Variants in USP25 observed in about 807,000 individuals in gnomAD.
The protein encoded by USP25 is ubiquitin carboxyl-terminal hydrolase 25.
Under a neutral mutation model 158.5 loss-of-function variants are expected in USP25, and 85 were observed. That is an observed-to-expected ratio of 0.54 (90% confidence interval 0.45 to 0.64). The LOEUF is 0.64. USP25 is among the 30% of genes least tolerant of loss of function. The pLI is 0.00. For missense variants in USP25, 1,242 were observed against 1,327.3 expected, an observed-to-expected ratio of 0.94 and a Z score of 1.00; for synonymous variants, 464 against 460.4, an observed-to-expected ratio of 1.01 and a Z score of -0.10.
At chr21:15,749,288 A>G (rs2032810581) in intron 1 of USP25, among the ~76,000 whole-genome samples, 1 of 152,244 alleles carries the variant, frequency 6.6e-6, no homozygotes, top group South Asian at 2.1e-4. Flanking sequence ...GTGAAATAGT[A>G]TTCTTATACT....
At chr21:15,790,185 C>T (rs973109913) in intron 4 of USP25, among the ~76,000 whole-genome samples, 1 of 151,992 alleles carries the variant, frequency 6.6e-6, no homozygotes, top group African/African-American at 2.4e-5. Flanking sequence ...TATGTCTTTT[C>T]GTGAAACAAG....
intron 16 of USP25, 105 bp from the exon 17 acceptor site, chr21:15,833,243 T>C: frequency 9.5e-7 from 1 of 1,050,828 alleles, no homozygotes; most frequent in East Asian, 2.5e-5. Context: ...GGCTGAGTGG[T>C]AATAATTCAT....
intron 1 of USP25, 72 bp from the exon 2 acceptor site, chr21:15,762,819 T>A: frequency 2.2e-6 from 3 of 1,380,444 alleles, no homozygotes; most frequent in Non-Finnish European, 3.0e-6. Flanking sequence ...AAACCAAAGG[T>A]GATTTGTTTT....
Position 15,849,875 on chromosome 21 carries a change from A to G in USP25, c.2547+3A>G, listed in dbSNP as rs2038804694. 6.8e-7 allele frequency: 1 copy of G among 1,481,116 alleles called. No homozygotes were observed. Among genetic ancestry groups the G allele is most frequent in the Non-Finnish European group, 9.0e-7 (1 of 1,114,236 alleles). 91.7% of individuals were successfully genotyped at this position (1,481,116 alleles called of 1,614,324 possible). A position where few individuals can be genotyped will look rare whatever the true frequency, so the allele number is the denominator to read the frequency against. On this transcript the variant is annotated splice_donor_region_variant and intron_variant, in intron 20 of 25. Coordinates refer to ENST00000400183, the MANE Select transcript of USP25 (RefSeq NM_001283041.3). Reference sequence around the variant, plus strand: ...GCCCTGAAGCAGGGTTCTTTAAGGTACAATGAACATTTTCATTTTCGTGTC... The same window carrying G: ...GCCCTGAAGCAGGGTTCTTTAAGGTGCAATGAACATTTTCATTTTCGTGTC...
Position 15,824,095 on chromosome 21 carries a change from T to A in USP25, c.1137T>A (p.Phe379Leu). The A allele has an allele frequency of 6.2e-7, 1 of 1,613,660 alleles. No homozygotes were observed. Among genetic ancestry groups the A allele is most frequent in the Non-Finnish European group, 8.5e-7 (1 of 1,179,780 alleles). Reference sequence around the variant, plus strand: ...CATTTGAATTGTCAAGATTTGAATTTAATCAGGCATTGGGAAGACCAGAAA... The same window carrying A: ...CATTTGAATTGTCAAGATTTGAATTAAATCAGGCATTGGGAAGACCAGAAA... ...VLTFELSRFEFNQALGRPEKI... is the reference protein window; with the variant it reads ...VLTFELSRFELNQALGRPEKI... Residue 379 changes from phenylalanine to leucine, a missense_variant, in exon 11 of 26, where the codon TTT becomes TTA. Physicochemically the swap from Phe to Leu is conservative, Grantham distance 22. Around this residue, in one of 3 missense-constraint regions of USP25, gnomAD observed 627 missense variants for 701.4 expected, o/e 0.89. Coordinates refer to ENST00000400183, the MANE Select transcript of USP25 (RefSeq NM_001283041.3).
intron 10 of USP25, among the ~76,000 whole-genome samples, chr21:15,822,146 A>AAT (rs1360606532): frequency 6.6e-6 from 1 of 151,914 alleles, no homozygotes; most frequent in Non-Finnish European, 1.5e-5. Flanking sequence ...TTGAAAGAAA[A>AAT]ATTTCTCATG....
intron 18 of USP25, among the ~76,000 whole-genome samples, chr21:15,846,148 ATATATATATATTT>A (rs2038591035): frequency 1.6e-5 from 1 of 60,670 alleles, no homozygotes; most frequent in African/African-American, 1.3e-4. Flanking sequence ...ATATATATAT[ATATATATATATTT>A]TTTTTTTTTT....
intron 16 of USP25, 51 bp downstream of exon 16, chr21:15,831,680 C>T: frequency 6.8e-7 from 1 of 1,479,794 alleles, no homozygotes; most frequent in African/African-American, 1.4e-5. Context: ...AAAAGTGGCT[C>T]TGGTATGTGG....
At position 15,826,409 on chromosome 21, in the gene USP25, A is replaced by G. The variant is rs1331142927; in HGVS notation, c.1466+44A>G. ...GCAAGAGACAGTTGTTACCTTTATT[A>G]CACAATAATGTAACTGCTGCCTTTA... On this transcript the variant is annotated intron_variant, in intron 13 of 25. Coordinates refer to ENST00000400183, the MANE Select transcript of USP25 (RefSeq NM_001283041.3). The surrounding 1 kb of genome is among the most constrained non-coding windows in gnomAD (Gnocchi z 4.8). 10 of 1,598,248 alleles carry G rather than the reference A, an allele frequency of 6.3e-6. No individual in the cohort carries two copies. Among genetic ancestry groups the G allele is most frequent in the Non-Finnish European group, 8.6e-6 (10 of 1,168,728 alleles).
At position 15,824,973 on chromosome 21, in the gene USP25, C is replaced by T. The variant is rs1365605554; in HGVS notation, c.1216C>T (p.His406Tyr). ...PQVLYLDRYMHRNREITRIKR... is the reference protein window; with the variant it reads ...PQVLYLDRYMYRNREITRIKR... The stretch of plus-strand genomic sequence containing the variant: ...ATTACCTTTTTCTGATAGATACATG[C>T]ACAGAAACAGAGAAATAACAAGAAT... Residue 406 changes from histidine (H) to tyrosine (Y), a missense_variant, in exon 12 of 26, where the codon CAC becomes TAC. His to Tyr is a moderately conservative substitution (Grantham distance 83). This residue lies in a region of USP25 where 627 missense variants were observed against 701.4 expected (regional missense o/e 0.89). Coordinates refer to ENST00000400183, the MANE Select transcript of USP25 (RefSeq NM_001283041.3). 4 of 1,607,636 alleles carry T rather than the reference C, an allele frequency of 2.5e-6. No homozygotes were observed. The highest frequency in any genetic ancestry group is 3.4e-5 in the Admixed American group (2 of 59,352).
At chr21:15,851,090 C>T (rs541212667) in intron 20 of USP25, among the ~76,000 whole-genome samples, 2 of 151,416 alleles carry the variant, frequency 1.3e-5, no homozygotes, top group African/African-American at 4.8e-5. Flanking sequence ...CCTTCTTATG[C>T]CCAGATAGTC....
At chr21:15,811,556 G>T (rs1465912273) in intron 9 of USP25, among the ~76,000 whole-genome samples, 4 of 152,170 alleles carry the variant, frequency 2.6e-5, no homozygotes, top group Non-Finnish European at 4.4e-5. Context: ...GGCTTGATAT[G>T]ATGCTCACTT....
At chr21:15,872,501 A>G (rs1257262086) in intron 23 of USP25, among the ~76,000 whole-genome samples, 1 of 152,230 alleles carries the variant, frequency 6.6e-6, no homozygotes, top group Non-Finnish European at 1.5e-5. Context: ...AAAGGAAAAG[A>G]TAGATGTGCT....
At chr21:15,763,868 A>G (rs2033881196) in intron 2 of USP25, among the ~76,000 whole-genome samples, 2 of 152,180 alleles carry the variant, frequency 1.3e-5, no homozygotes, top group South Asian at 4.1e-4. Flanking sequence ...AAATAACTCT[A>G]TGAGATAAGT....
In USP25 at chr21:15,766,235, G is replaced by T; in HGVS notation, c.268+94G>T. The T allele has an allele frequency of 8.1e-7, 1 of 1,230,228 alleles. No homozygotes were observed. Among genetic ancestry groups the T allele is most frequent in the Non-Finnish European group, 1.1e-6 (1 of 939,016 alleles). The allele number at this position is 1,230,228 out of a possible 1,614,324, so 76.2% of individuals were successfully genotyped here. On this transcript the variant is annotated intron_variant, in intron 3 of 25. Transcript: ENST00000400183. This position sits in a 1 kb window ranked among gnomAD's most constrained non-coding sequence, Gnocchi z 4.0. ...TTAATGTTGCTTAAGGAGAGGTAAA[G>T]AACCAAAAAAGAACTCTATTAACCT... is the stretch of plus-strand genomic sequence containing the variant.
At chr21:15,864,144 G>T in intron 20 of USP25, 124 bp from the exon 21 acceptor site, 1 of 939,666 alleles carries the variant, frequency 1.1e-6, no homozygotes, top group East Asian at 2.9e-5. Flanking sequence ...CCTTGTTTGT[G>T]ATACTTTAAA....
chr21:15,738,391 T>C (rs1011217929), intron 1 of USP25, among the ~76,000 whole-genome samples: 14 of 152,248 alleles, frequency 9.2e-5, no homozygotes, highest in African/African-American at 3.4e-4. Context: ...ATTATTAAGA[T>C]CTTTATGATA....
At chr21:15,783,857 C>T (rs1391574009) in intron 4 of USP25, among the ~76,000 whole-genome samples, 2 of 151,600 alleles carry the variant, frequency 1.3e-5, no homozygotes, top group East Asian at 1.9e-4. Context: ...GTAGTCTCAG[C>T]TACTTGGGAG....
Position 15,878,551 on chromosome 21 carries a change from C to A in USP25, c.*76C>A. On this transcript the variant is annotated 3_prime_UTR_variant, in exon 26 of 26. Coordinates refer to ENST00000400183, the MANE Select transcript of USP25 (RefSeq NM_001283041.3). ...CCTTGCCTTCCTGTCACAGGGTTTGCTTGTTGCTGCTATAGTTTTTAACTT... is the reference window on the plus strand; with the variant it reads ...CCTTGCCTTCCTGTCACAGGGTTTGATTGTTGCTGCTATAGTTTTTAACTT... 6.9e-7 allele frequency: 1 copy of A among 1,453,698 alleles called. No individual in the cohort carries two copies. The highest frequency in any genetic ancestry group is 9.2e-7 in the Non-Finnish European group (1 of 1,085,380). 90.0% of individuals were successfully genotyped at this position (1,453,698 alleles called of 1,614,324 possible).
Sources: allele counts gnomAD v4.1 joint callset (sites outside exome capture counted in the v4.1 genomes callset), GRCh38; gene constraint gnomAD v4.1.1; regional missense constraint gnomAD v4.1.1; non-coding constraint Gnocchi (gnomAD v3.1); transcripts MANE v1.5; gene names NCBI Gene and HGNC (gene_info 2026-07-23, HGNC 2026-07-21).